The following SPOCK3 variants were observed in gnomAD, a reference collection of about 807,000 sequenced individuals.
The protein encoded by SPOCK3 is SPARC (osteonectin), cwcv and kazal like domains proteoglycan 3.
In SPOCK3, 30 loss-of-function variants were observed where a neutral mutation model predicts 56.6. That is an observed-to-expected ratio of 0.53 (90% CI 0.40 to 0.72). The LOEUF is 0.72. Among genes scored for constraint, SPOCK3 ranks in the 30% least tolerant of loss-of-function variants. The pLI is 0.00. For synonymous variants in SPOCK3, 196 were observed against 183.3 expected, an observed-to-expected ratio of 1.07 and a Z score of -0.56; for missense variants, 527 against 530.0, an observed-to-expected ratio of 0.99 and a Z score of 0.06.
At chr4:166,966,948 T>G (rs976697270) in intron 4 of SPOCK3, among the ~76,000 whole-genome samples, 3 of 152,066 alleles carry the variant, frequency 2.0e-5, no homozygotes. Context: ...CATGTTCTGA[T>G]TCATTGAAAC....
chr4:166,874,917 G>A (rs1732918854), intron 6 of SPOCK3, among the ~76,000 whole-genome samples: 1 of 152,058 alleles, frequency 6.6e-6, no homozygotes, highest in African/African-American at 2.4e-5. Context: ...AAATAGACTA[G>A]AATATCAGAA....
At chr4:166,841,583 G>T (rs1406473698) in intron 6 of SPOCK3, among the ~76,000 whole-genome samples, 1 of 152,068 alleles carries the variant, frequency 6.6e-6, no homozygotes, top group Non-Finnish European at 1.5e-5. Context: ...CTTTTCACTA[G>T]TTCTTATAAA....
At chr4:166,910,856 A>C (rs2127092244) in intron 5 of SPOCK3, among the ~76,000 whole-genome samples, 1 of 152,108 alleles carries the variant, frequency 6.6e-6, no homozygotes, top group Non-Finnish European at 1.5e-5. Flanking sequence ...CCACTGACTC[A>C]ATTTATTCAA....
At chr4:167,182,409 C>CAA (rs35047060) in intron 2 of SPOCK3, among the ~76,000 whole-genome samples, 26 of 135,408 alleles carry the variant, frequency 1.9e-4, no homozygotes, top group Admixed American at 4.4e-4. Context: ...AAAAGAAAGA[C>CAA]AAAAAAAAAA....
chr4:167,197,438 ATTAC>A (rs938868019), intron 2 of SPOCK3, among the ~76,000 whole-genome samples: 1 of 152,216 alleles, frequency 6.6e-6, no homozygotes, highest in African/African-American at 2.4e-5. Flanking sequence ...AATTTAGGCT[ATTAC>A]TTATAAGGTA....
chr4:167,048,800 A>G (rs935062917), intron 3 of SPOCK3, among the ~76,000 whole-genome samples: 2 of 152,146 alleles, frequency 1.3e-5, no homozygotes, highest in African/African-American at 4.8e-5. Context: ...ATTCATTTTT[A>G]TTTATCCTTG....
intron 6 of SPOCK3, among the ~76,000 whole-genome samples, chr4:166,792,761 G>C (rs967572927): frequency 6.6e-6 from 1 of 151,910 alleles, no homozygotes; most frequent in African/African-American, 2.4e-5. Context: ...AATATATACT[G>C]TTCCTATTTG....
intron 3 of SPOCK3, among the ~76,000 whole-genome samples, chr4:167,042,690 TC>T (rs1249716565): frequency 6.6e-6 from 1 of 152,062 alleles, no homozygotes; most frequent in Admixed American, 6.6e-5. Context: ...AAACAATAAA[TC>T]CCTCTTAAGG....
intron 7 of SPOCK3, among the ~76,000 whole-genome samples, chr4:166,780,128 T>A (rs147543359): frequency 8.9e-4 from 136 of 152,228 alleles, no homozygotes; most frequent in African/African-American, 3.1e-3. Flanking sequence ...ACCACAATTT[T>A]CTTGAATCCA....
At chr4:166,839,508 A>C (rs1371637138) in intron 6 of SPOCK3, among the ~76,000 whole-genome samples, 9 of 152,108 alleles carry the variant, frequency 5.9e-5, no homozygotes, top group Non-Finnish European at 2.9e-5. Flanking sequence ...GCTGTCACTA[A>C]GGCAGACCAT....
Position 167,234,021 on chromosome 4 carries a change from A to G in SPOCK3, c.153T>C (p.Tyr51=). 1 of 1,614,040 alleles carries G rather than the reference A, an allele frequency of 6.2e-7. No individual in the cohort carries two copies. Among genetic ancestry groups the G allele is most frequent in the South Asian group, 1.1e-5 (1 of 91,084 alleles). ...DKQWLTTISQ[Y]DKEVGQWNKF... ...TGTTCCACTGTCCGACTTCCTTGTC[A>G]TACTGAGAGATTGTGGTGAGCCATT... The change falls in exon 2 of 11, where the codon TAT becomes TAC. Residue 51 remains tyrosine (Y), a synonymous_variant. Coordinates refer to ENST00000357545, the MANE Select transcript of SPOCK3 (RefSeq NM_001040159.2).
intron 4 of SPOCK3, among the ~76,000 whole-genome samples, chr4:166,949,037 C>T (rs1430257079): frequency 5.3e-5 from 8 of 152,080 alleles, no homozygotes; most frequent in Non-Finnish European, 1.0e-4. Context: ...AGGCTTTGTT[C>T]GTTTCTTTTT....
chr4:166,744,451 G>C (rs1320731259), intron 8 of SPOCK3, among the ~76,000 whole-genome samples: 8 of 152,050 alleles, frequency 5.3e-5, no homozygotes, highest in African/African-American at 9.7e-5. Context: ...TCGACAAAAA[G>C]GACATCCACA....
At chr4:167,034,752 A>G (rs1209945787) in intron 3 of SPOCK3, among the ~76,000 whole-genome samples, 1 of 152,148 alleles carries the variant, frequency 6.6e-6, no homozygotes, top group African/African-American at 2.4e-5. Context: ...ATCTACATAT[A>G]AAGCAATGTT....
chr4:167,049,388 AG>A (rs1393066398), intron 3 of SPOCK3, among the ~76,000 whole-genome samples: 1 of 152,186 alleles, frequency 6.6e-6, no homozygotes, highest in Non-Finnish European at 1.5e-5. Flanking sequence ...AGTGAAGTAC[AG>A]GTTGATTACA....
chr4:166,779,072 A>C (rs1739887861), intron 7 of SPOCK3, among the ~76,000 whole-genome samples: 1 of 152,158 alleles, frequency 6.6e-6, no homozygotes, highest in Non-Finnish European at 1.5e-5. Flanking sequence ...CTCTGCTAAG[A>C]CTAGAACACT....
At chr4:166,994,211 T>C (rs905819975) in intron 4 of SPOCK3, among the ~76,000 whole-genome samples, 4 of 152,108 alleles carry the variant, frequency 2.6e-5, no homozygotes, top group African/African-American at 7.2e-5. Flanking sequence ...AAAATAGTAA[T>C]AGCTAACCCT....
At chr4:167,105,476 A>AAC (rs1554036700) in intron 2 of SPOCK3, among the ~76,000 whole-genome samples, 1 of 150,632 alleles carries the variant, frequency 6.6e-6, no homozygotes, top group African/African-American at 2.4e-5. Flanking sequence ...AAAAAAAAAA[A>AAC]AAAACGAATC....
chr4:166,996,271 C>G (rs1030038302), intron 4 of SPOCK3, among the ~76,000 whole-genome samples: 1 of 152,144 alleles, frequency 6.6e-6, no homozygotes, highest in African/African-American at 2.4e-5. Context: ...CAACCTTACT[C>G]TGTCTTATTA....
Sources: gnomAD v4.1 joint callset for allele counts (sites outside exome capture counted in the v4.1 genomes callset) on GRCh38, gnomAD v4.1.1 for gene constraint, MANE v1.5 for transcripts, NCBI Gene and HGNC (gene_info 2026-07-23, HGNC 2026-07-21) for gene names.